The following ZNF516 variants were observed in gnomAD, a reference collection of about 807,000 sequenced individuals.
ZNF516 encodes the protein zinc finger protein 516.
ZNF516 carries 19 observed loss-of-function variants against 79.7 expected under a neutral mutation model. The ratio of observed to expected loss-of-function variants is 0.24; its 90% confidence interval spans 0.17 to 0.35. The LOEUF (loss-of-function observed/expected upper bound fraction) is 0.35. Ranked by LOEUF, ZNF516 falls within the 10% of genes least tolerant of loss-of-function variation. The pLI is 1.00. For synonymous variants in ZNF516, 877 were observed against 739.5 expected (o/e 1.19, Z -3.02); for missense variants, 1,678 against 1,679.5 (o/e 1.00, Z 0.02).
At chr18:76,363,059 T>C (rs948016632) in intron 6 of ZNF516, among the ~76,000 whole-genome samples, 2 of 152,186 alleles carry the variant, frequency 1.3e-5, no homozygotes, top group African/African-American at 2.4e-5. Flanking sequence ...TCAGAGCGTG[T>C]TCACCCATTT....
chr18:76,384,347 G>A (rs1196661415), intron 3 of ZNF516, among the ~76,000 whole-genome samples: 9 of 88,810 alleles, frequency 1.0e-4, no homozygotes, highest in Admixed American at 4.2e-4. Context: ...CTCCCTCCAC[G>A]GCTCTCACGT....
chr18:76,363,909 G>A (rs1040162584), intron 6 of ZNF516, among the ~76,000 whole-genome samples: 12 of 152,216 alleles, frequency 7.9e-5, no homozygotes, highest in Non-Finnish European at 7.3e-5. Context: ...GAGGCGGGCA[G>A]GGGATGCCTG....
intron 4 of ZNF516, among the ~76,000 whole-genome samples, chr18:76,371,945 C>T (rs565857840): frequency 6.6e-6 from 1 of 152,198 alleles, no homozygotes; most frequent in African/African-American, 2.4e-5. Flanking sequence ...GTGACAGAGA[C>T]GAGGCTCATG....
intron 1 of ZNF516, among the ~76,000 whole-genome samples, chr18:76,476,557 G>A (rs1289255658): frequency 2.0e-5 from 3 of 152,176 alleles, no homozygotes; most frequent in Non-Finnish European, 4.4e-5. Context: ...TTAAAAGTAG[G>A]ACACAGTGTA....
intron 3 of ZNF516, among the ~76,000 whole-genome samples, chr18:76,398,602 A>G (rs2075175975): frequency 6.6e-6 from 1 of 152,186 alleles, no homozygotes; most frequent in Non-Finnish European, 1.5e-5. Flanking sequence ...CCATAACACT[A>G]GTTATGAAGG....
Position 76,442,680 on chromosome 18 carries a change from G to A in ZNF516, c.375C>T (p.Asn125=), listed in dbSNP as rs928899626. 1.9e-6 allele frequency: 3 copies of A among 1,584,170 alleles called. No homozygotes were observed. The highest frequency in any genetic ancestry group is 2.7e-5 in the African/African-American group (2 of 74,282). Residue 125 remains asparagine (N), a synonymous_variant, in exon 3 of 7, where the codon AAC becomes AAT. Transcript: ENST00000443185. The stretch of plus-strand genomic sequence containing the variant: ...CCTGCGAGGCCCCGTTCAGCAGCCG[G>A]TTGCAGGCCGAGGCGCTCTTGGTGG... The part of the protein sequence containing the change: ...ASPTKSASAC[N]RLLNGASQAD...
chr18:76,441,464 C>T lies in ZNF516; in HGVS notation c.1591G>A (p.Val531Met), dbSNP rs753978870. Reference protein sequence around the residue: ...GKIFRTYHQMVLHSRVHRRAR... With the variant: ...GKIFRTYHQMMLHSRVHRRAR... The stretch of plus-strand genomic sequence containing the variant: ...CGGCGATGCACGCGTGAGTGCAGCA[C>T]CATCTGATGATAGGTGCGGAAGATC... The change falls in exon 3 of 7, where the codon GTG becomes ATG. Residue 531 changes from valine (V) to methionine (M), a missense_variant. By Grantham distance (21) the Val-to-Met change is conservative. Around this residue, in one of 5 missense-constraint regions of ZNF516, gnomAD observed 1,294 missense variants for 1,248.3 expected, o/e 1.04. Transcript: ENST00000443185. The T allele has an allele frequency of 2.5e-6, 4 of 1,605,206 alleles. No homozygotes were observed. The highest frequency in any genetic ancestry group is 2.5e-6 in the Non-Finnish European group (3 of 1,177,160).
intron 1 of ZNF516, among the ~76,000 whole-genome samples, chr18:76,468,256 G>A (rs539509752): frequency 3.3e-5 from 5 of 152,278 alleles, no homozygotes; most frequent in East Asian, 1.9e-4. Context: ...GAGCAGCCCC[G>A]TGCTCTTTTA....
intron 3 of ZNF516, among the ~76,000 whole-genome samples, chr18:76,401,874 A>ACCAAC (rs1568262017): frequency 6.8e-6 from 1 of 148,010 alleles, no homozygotes; most frequent in Non-Finnish European, 1.5e-5. Context: ...CCCCTCCACT[A>ACCAAC]CTGTTTATAG....
In ZNF516 at chr18:76,451,835, G is replaced by A. The variant is rs2145615219; in HGVS notation, c.-157-8624C>T. 6.6e-6 allele frequency among the ~76,000 whole-genome samples: 1 copy of A among 152,288 alleles called. No individual in the cohort carries two copies. The highest frequency in any genetic ancestry group is 1.5e-5 in the Non-Finnish European group (1 of 68,028). ...AAGCCTATTCTCTCAACAAATGGGG[G>A]AAAATTCCATCACAACAATGAAGAG... On this transcript the variant is annotated intron_variant, in intron 2 of 6. Coordinates refer to ENST00000443185, the MANE Select transcript of ZNF516 (RefSeq NM_014643.4). This position sits in a 1 kb window ranked among gnomAD's most constrained non-coding sequence, Gnocchi z 6.0.
chr18:76,454,526 A>T (rs1912605212), intron 2 of ZNF516, among the ~76,000 whole-genome samples: 1 of 152,238 alleles, frequency 6.6e-6, no homozygotes. Flanking sequence ...CGACTGTAAC[A>T]TGACCTAGTT....
chr18:76,415,781 C>G (rs1392666443), intron 3 of ZNF516, among the ~76,000 whole-genome samples: 2 of 152,170 alleles, frequency 1.3e-5, no homozygotes, highest in African/African-American at 4.8e-5. Context: ...CAACAGAGTT[C>G]AGGGTTTCTG....
chr18:76,495,895 G>A, upstream of ZNF516: 1 of 397,774 alleles, frequency 2.5e-6, no homozygotes, highest in Non-Finnish European at 4.0e-6. Flanking sequence ...CTGAATCAAG[G>A]GTCACAGAGG....
At position 76,442,490 on chromosome 18, in the gene ZNF516, G is replaced by C; in HGVS notation, c.565C>G (p.Leu189Val). The C allele has an allele frequency of 6.2e-7, 1 of 1,603,182 alleles. No homozygotes were observed. Among genetic ancestry groups the C allele is most frequent in the South Asian group, 1.1e-5 (1 of 91,080 alleles). Residue 189 changes from leucine (L) to valine (V), a missense_variant, in exon 3 of 7, where the codon CTG becomes GTG. Leu to Val is a conservative substitution (Grantham distance 32). Transcript: ENST00000443185. ...CKSQFERKKD[L>V]ELHVHQAHKP... ...TGCGCCTGGTGCACGTGCAGCTCCA[G>C]GTCCTTCTTACGCTCGAACTGGCTC...
chr18:76,473,997 C>G lies in ZNF516; in HGVS notation c.-271-10856G>C, dbSNP rs531385624. On this transcript the variant is annotated intron_variant, in intron 1 of 6. Coordinates refer to ENST00000443185, the MANE Select transcript of ZNF516 (RefSeq NM_014643.4). ...CTGGGCTCAAGCAATCCTCCTGCCT[C>G]AGCCTCCCAAGAAGTGGGATTACAG... is the stretch of plus-strand genomic sequence containing the variant. 2.0e-5 allele frequency among the ~76,000 whole-genome samples: 3 copies of G among 151,552 alleles called. No individual in the cohort carries two copies. The South Asian group carries it at 6.3e-4, about 32-fold the overall frequency.
intron 3 of ZNF516, among the ~76,000 whole-genome samples, chr18:76,429,467 A>C (rs1280206370): frequency 6.6e-6 from 1 of 152,016 alleles, no homozygotes; most frequent in Non-Finnish European, 1.5e-5. Context: ...TGGGCTCCTG[A>C]CTCTGCCCAT....
intron 3 of ZNF516, among the ~76,000 whole-genome samples, chr18:76,410,566 A>C (rs2075362628): frequency 6.6e-6 from 1 of 152,158 alleles, no homozygotes; most frequent in Non-Finnish European, 1.5e-5. Context: ...TTCTAACTAC[A>C]CTGAACTCTG....
At chr18:76,435,394 GAATAC>G (rs1205334733) in intron 3 of ZNF516, among the ~76,000 whole-genome samples, 1 of 152,186 alleles carries the variant, frequency 6.6e-6, no homozygotes, top group East Asian at 1.9e-4. Context: ...GAAAGAATCA[GAATAC>G]AATAAAACGT....
At chr18:76,495,753 G>A (rs759856997), upstream of ZNF516, 5 of 1,168,000 alleles carry the variant, frequency 4.3e-6, no homozygotes, top group South Asian at 7.7e-5. Context: ...GCCCCATCTG[G>A]ACTGAAATGG....
Sources: gnomAD v4.1 joint callset for allele counts (sites outside exome capture counted in the v4.1 genomes callset) on GRCh38, gnomAD v4.1.1 for gene constraint, gnomAD v4.1.1 regional missense constraint, Gnocchi (gnomAD v3.1) non-coding constraint, MANE v1.5 for transcripts, NCBI Gene and HGNC (gene_info 2026-07-23, HGNC 2026-07-21) for gene names.